Variants in DNAH11 observed in about 807,000 individuals in gnomAD.
DNAH11 encodes dynein axonemal heavy chain 11.
A neutral mutation model predicts 526.0 loss-of-function variants in DNAH11; 442 were observed. The ratio of observed to expected loss-of-function variants is 0.84; its 90% CI spans 0.78 to 0.91. The LOEUF (loss-of-function observed/expected upper bound fraction) is 0.91. DNAH11 is among the 40% of genes least tolerant of loss of function. DNAH11 has a pLI of 0.00. For missense variants in DNAH11, 6,989 were observed against 5,448.7 expected (o/e 1.28, Z -8.90); for synonymous variants, 2,461 against 1,935.9 (o/e 1.27, Z -7.12).
chr7:21,594,061 C>T (rs1784785641), intron 14 of DNAH11, among the ~76,000 whole-genome samples: 45 of 129,852 alleles, frequency 3.5e-4, no homozygotes, highest in Non-Finnish European at 1.6e-5. Context: ...TTCATACACA[C>T]ATACACACAC....
At chr7:21,673,137 C>G (rs954917643) in intron 30 of DNAH11, among the ~76,000 whole-genome samples, 6 of 152,144 alleles carry the variant, frequency 3.9e-5, no homozygotes, top group Admixed American at 6.5e-5. Flanking sequence ...GTGGGGTATA[C>G]TGAGTTATCT....
intron 74 of DNAH11, among the ~76,000 whole-genome samples, chr7:21,876,075 G>A (rs35107743): frequency 0.22 from 33,394 of 151,536 alleles, 3,805 homozygotes; most frequent in Non-Finnish European, 0.23. Flanking sequence ...TAGTAGAGAC[G>A]GGGTTTCACC....
intron 30 of DNAH11, among the ~76,000 whole-genome samples, chr7:21,667,510 C>T (rs1212568929): frequency 2.0e-5 from 3 of 152,184 alleles, no homozygotes; most frequent in African/African-American, 7.2e-5. Flanking sequence ...CTATAGTTTA[C>T]CACCTCTGCT....
chr7:21,649,737 C>G (rs1173920607), intron 28 of DNAH11, among the ~76,000 whole-genome samples: 1 of 150,884 alleles, frequency 6.6e-6, no homozygotes, highest in Non-Finnish European at 1.5e-5. Context: ...GCAATCTGGA[C>G]TCACTGCAAC....
rs966613143 is a variant in DNAH11, at chr7:21,842,688, A to G, written c.10836A>G (p.Leu3612=). 1.1e-5 allele frequency: 18 copies of G among 1,613,762 alleles called. No individual in the cohort carries two copies. The highest frequency in any genetic ancestry group is 1.4e-5 in the Non-Finnish European group (17 of 1,179,822). Residue 3612 remains leucine (L), a synonymous_variant, in exon 66 of 82, where the codon CTA becomes CTG. Coordinates refer to ENST00000409508, the MANE Select transcript of DNAH11 (RefSeq NM_001277115.2). ...ATTTCACAGTCACAGAAGATGGTCT[A>G]GAAGCCCAGCTGCTGGCAGAGGTTG... is the stretch of plus-strand genomic sequence containing the variant. ...LLNFTVTEDG[L]EAQLLAEVVS...
intron 23 of DNAH11, 28 bp from the exon 24 acceptor site, chr7:21,619,072 A>G (rs775650523): frequency 2.5e-6 from 4 of 1,612,756 alleles, no homozygotes; most frequent in Non-Finnish European, 3.4e-6. Context: ...TGTGGAATAT[A>G]AAGTCTAACT....
intron 52 of DNAH11, among the ~76,000 whole-genome samples, chr7:21,749,234 G>C (rs1442018806): frequency 6.6e-6 from 1 of 152,134 alleles, no homozygotes; most frequent in Non-Finnish European, 1.5e-5. Flanking sequence ...TTACAAAATA[G>C]TACCTACAAT....
At chr7:21,749,950 G>A (rs1786339858) in intron 53 of DNAH11, 149 bp downstream of exon 53, 3 of 1,281,182 alleles carry the variant, frequency 2.3e-6, no homozygotes, top group South Asian at 1.5e-5. Context: ...AATTTGAGGT[G>A]TATTGCTTTC....
At chr7:21,879,959 C>T (rs575852033) in intron 74 of DNAH11, among the ~76,000 whole-genome samples, 37 of 152,018 alleles carry the variant, frequency 2.4e-4, no homozygotes, top group African/African-American at 8.4e-4. Flanking sequence ...GTGGCATGCA[C>T]CTGTAATCGC....
intron 30 of DNAH11, among the ~76,000 whole-genome samples, chr7:21,668,974 C>CG: frequency 6.6e-6 from 1 of 152,170 alleles, no homozygotes; most frequent in East Asian, 1.9e-4. Flanking sequence ...TTTATATACT[C>CG]GCTCATATTT....
rs566530378 is a variant in DNAH11, at chr7:21,767,997, A to G, written c.9102+2408A>G. On this transcript the variant is annotated intron_variant, in intron 55 of 81. Coordinates refer to ENST00000409508, the MANE Select transcript of DNAH11 (RefSeq NM_001277115.2). ...TGTGTGTGTTGGCGTGTAATTTTCC[A>G]TCAGTACACACTCAGCACCCAGGGG... is the stretch of plus-strand genomic sequence containing the variant. Among the ~76,000 whole-genome samples the G allele has an allele frequency of 2.0e-5, 3 of 152,232 alleles. No homozygotes were observed. In the East Asian group the frequency reaches 5.8e-4, roughly 29 times the overall value.
chr7:21,619,365 G>C, intron 24 of DNAH11, 143 bp downstream of exon 24: 1 of 893,494 alleles, frequency 1.1e-6, no homozygotes, highest in Non-Finnish European at 1.7e-6. Context: ...ATTAGGTGTG[G>C]GATGAGCAGG....
chr7:21,597,316 A>G (rs1784896996), intron 14 of DNAH11, among the ~76,000 whole-genome samples: 1 of 152,224 alleles, frequency 6.6e-6, no homozygotes, highest in Non-Finnish European at 1.5e-5. Context: ...TGGGAGGTCA[A>G]GAGGGCTGGT....
intron 49 of DNAH11, among the ~76,000 whole-genome samples, chr7:21,743,224 T>C (rs1384694504): frequency 6.6e-6 from 1 of 152,224 alleles, no homozygotes; most frequent in Non-Finnish European, 1.5e-5. Context: ...GCTTACTGTT[T>C]TGAGTGCCAA....
At chr7:21,645,249 G>A (rs1411734708) in intron 28 of DNAH11, among the ~76,000 whole-genome samples, 5 of 152,220 alleles carry the variant, frequency 3.3e-5, no homozygotes, top group Non-Finnish European at 7.3e-5. Flanking sequence ...GATGAAGGTT[G>A]TTCAGTTCCA....
At chr7:21,544,936 A>G (rs1782749326) in intron 1 of DNAH11, 70 bp from the exon 2 acceptor site, 1 of 1,326,146 alleles carries the variant, frequency 7.5e-7, no homozygotes, top group South Asian at 1.6e-5. Context: ...TACAGCTACA[A>G]GTTGGATATA....
At chr7:21,767,512 CA>C (rs1201517174) in intron 55 of DNAH11, among the ~76,000 whole-genome samples, 1 of 152,152 alleles carries the variant, frequency 6.6e-6, no homozygotes, top group Admixed American at 6.5e-5. Context: ...GGGCTCCTGT[CA>C]GGTGCTAAGC....
chr7:21,737,012 C>G lies in DNAH11; in HGVS notation c.7645+1168C>G, dbSNP rs369768735. 1.1e-4 allele frequency among the ~76,000 whole-genome samples: 16 copies of G among 152,262 alleles called. No individual in the cohort carries two copies. The East Asian group carries it at 2.1e-3, about 20-fold the overall frequency. ...TTACCTATGATGTGAGTGCATCTTG[C>G]TATTTCCTAAAAGGAATACAGGCAT... On this transcript the variant is annotated intron_variant, in intron 46 of 81. Coordinates refer to ENST00000409508, the MANE Select transcript of DNAH11 (RefSeq NM_001277115.2).
At chr7:21,824,310 C>A (rs1208153306) in intron 65 of DNAH11, among the ~76,000 whole-genome samples, 1 of 152,142 alleles carries the variant, frequency 6.6e-6, no homozygotes, top group African/African-American at 2.4e-5. Flanking sequence ...CCTTTGTGCT[C>A]CCCTCCTTGA....
Sources: gnomAD v4.1 joint callset for allele counts (sites outside exome capture counted in the v4.1 genomes callset) on GRCh38, gnomAD v4.1.1 for gene constraint, MANE v1.5 for transcripts, NCBI Gene and HGNC (gene_info 2026-07-23, HGNC 2026-07-21) for gene names.